GRIK4: variants seen among roughly 807,000 people sequenced by gnomAD.
The protein encoded by GRIK4 is glutamate ionotropic receptor kainate type subunit 4, also known as glutamate receptor ionotropic, kainate 4.
GRIK4 carries 40 observed loss-of-function variants against 104.9 expected under a neutral mutation model. The observed-to-expected ratio is 0.38, with a 90% CI of 0.30 to 0.50. The LOEUF is 0.50. Among genes scored for constraint, GRIK4 ranks in the 20% least tolerant of loss-of-function variants. GRIK4 has a pLI of 0.93. For synonymous variants in GRIK4, 485 were observed against 524.9 expected, an observed-to-expected ratio of 0.92 and a Z score of 1.04; for missense variants, 1,047 against 1,308.1, an observed-to-expected ratio of 0.80 and a Z score of 3.08.
intron 1 of GRIK4, among the ~76,000 whole-genome samples, chr11:120,543,579 GAA>G (rs1421595373): frequency 6.6e-6 from 1 of 151,956 alleles, no homozygotes; most frequent in African/African-American, 2.4e-5. Flanking sequence ...CATCTCAAAA[GAA>G]AAGAGAATGT....
chr11:120,560,694 C>T (rs1477804885), intron 1 of GRIK4, among the ~76,000 whole-genome samples: 1 of 152,172 alleles, frequency 6.6e-6, no homozygotes, highest in Non-Finnish European at 1.5e-5. Context: ...TCAGTTTCCT[C>T]ATCTATAAAA....
chr11:120,790,497 G>A lies in GRIK4; in HGVS notation c.83-12196G>A, dbSNP rs191644394. Among the ~76,000 whole-genome samples, 8 of 152,226 alleles carry A rather than the reference G, an allele frequency of 5.3e-5. No homozygotes were observed. The East Asian group carries it at 1.5e-3, about 29-fold the overall frequency. On this transcript the variant is annotated intron_variant, in intron 3 of 20. Coordinates refer to ENST00000527524, the MANE Select transcript of GRIK4 (RefSeq NM_014619.5). ...TGGGTTTTAAAAAACAGCTGAGTAC[G>A]TTCCAGGAAGAGACCACCTGAACAA... is the stretch of plus-strand genomic sequence containing the variant.
At chr11:120,959,971 T>C (rs1219677337) in intron 16 of GRIK4, among the ~76,000 whole-genome samples, 2 of 152,120 alleles carry the variant, frequency 1.3e-5, no homozygotes, top group African/African-American at 2.4e-5. Flanking sequence ...CTAGGTTGCA[T>C]TGAGCCCTGA....
intron 4 of GRIK4, among the ~76,000 whole-genome samples, chr11:120,810,005 C>T (rs1348770842): frequency 6.6e-6 from 1 of 152,182 alleles, no homozygotes; most frequent in Non-Finnish European, 1.5e-5. Context: ...TTCAAGTCTG[C>T]AGTGAGCTAT....
At chr11:120,574,624 G>T (rs1948453919) in intron 1 of GRIK4, among the ~76,000 whole-genome samples, 1 of 152,162 alleles carries the variant, frequency 6.6e-6, no homozygotes, top group Non-Finnish European at 1.5e-5. Flanking sequence ...ATCTGTAAGG[G>T]CAGGGGCTAC....
chr11:120,827,710 T>C (rs913221158), intron 6 of GRIK4, among the ~76,000 whole-genome samples: 11 of 152,336 alleles, frequency 7.2e-5, no homozygotes, highest in African/African-American at 2.6e-4. Context: ...TTAAAAAGTA[T>C]CCTCTTCTGA....
intron 9 of GRIK4, among the ~76,000 whole-genome samples, chr11:120,863,511 G>A (rs962790210): frequency 1.3e-5 from 2 of 152,222 alleles, no homozygotes; most frequent in African/African-American, 2.4e-5. Context: ...CATGACTGTA[G>A]TTACTAGGTA....
At chr11:120,527,167 C>T (rs1012560773) in intron 1 of GRIK4, among the ~76,000 whole-genome samples, 4 of 152,218 alleles carry the variant, frequency 2.6e-5, no homozygotes, top group African/African-American at 7.2e-5. Context: ...TTGCCCTGAT[C>T]CCGCCTCGGC....
intron 8 of GRIK4, among the ~76,000 whole-genome samples, chr11:120,841,883 T>A (rs1284663727): frequency 6.6e-6 from 1 of 152,230 alleles, no homozygotes; most frequent in Non-Finnish European, 1.5e-5. Context: ...CAAGACCACG[T>A]GACTGAAGTT....
At chr11:120,543,124 G>C (rs1489530736) in intron 1 of GRIK4, among the ~76,000 whole-genome samples, 1 of 152,218 alleles carries the variant, frequency 6.6e-6, no homozygotes, top group Non-Finnish European at 1.5e-5. Flanking sequence ...ACAGTATGGG[G>C]TGGGAGGAGG....
At chr11:120,679,741 C>T (rs971492378) in intron 3 of GRIK4, among the ~76,000 whole-genome samples, 4 of 152,208 alleles carry the variant, frequency 2.6e-5, no homozygotes, top group Middle Eastern at 3.2e-3. Context: ...CTCATGCCTC[C>T]CATCCTCACT....
At chr11:120,756,159 G>C (rs1204159189) in intron 3 of GRIK4, among the ~76,000 whole-genome samples, 1 of 152,158 alleles carries the variant, frequency 6.6e-6, no homozygotes, top group African/African-American at 2.4e-5. Flanking sequence ...TGGCATTGCT[G>C]TTGCAACGTT....
At chr11:120,543,607 T>A (rs1415177588) in intron 1 of GRIK4, among the ~76,000 whole-genome samples, 1 of 152,020 alleles carries the variant, frequency 6.6e-6, no homozygotes, top group Non-Finnish European at 1.5e-5. Context: ...CCTCAAAAAA[T>A]TAAAAATAGA....
chr11:120,678,045 C>T (rs1020409251), intron 3 of GRIK4, among the ~76,000 whole-genome samples: 22 of 152,226 alleles, frequency 1.4e-4, no homozygotes, highest in African/African-American at 5.1e-4. Flanking sequence ...CTGGCGCCAA[C>T]CCCATGCTCT....
chr11:120,875,102 G>A, intron 10 of GRIK4, 37 bp from the exon 11 acceptor site: 6 of 1,303,286 alleles, frequency 4.6e-6, no homozygotes, highest in Non-Finnish European at 5.6e-6. Flanking sequence ...GTAACCTGGG[G>A]CCTGTTTGGT....
intron 6 of GRIK4, among the ~76,000 whole-genome samples, chr11:120,829,912 G>A (rs1426413882): frequency 6.6e-6 from 1 of 152,228 alleles, no homozygotes; most frequent in Admixed American, 6.5e-5. Context: ...CACAGATGGC[G>A]GCAGCAGAGA....
At chr11:120,762,333 GTT>G (rs1951765114) in intron 3 of GRIK4, among the ~76,000 whole-genome samples, 2 of 152,224 alleles carry the variant, frequency 1.3e-5, no homozygotes, top group African/African-American at 4.8e-5. Context: ...AGCTTAAGGA[GTT>G]TTTGGACTCA....
intron 8 of GRIK4, among the ~76,000 whole-genome samples, chr11:120,856,294 A>G (rs1437670769): frequency 5.3e-5 from 8 of 152,180 alleles, no homozygotes; most frequent in Non-Finnish European, 1.0e-4. Flanking sequence ...AATACATGCT[A>G]CTGTTTCCTG....
At chr11:120,983,957 G>A (rs948292381) in intron 20 of GRIK4, among the ~76,000 whole-genome samples, 1 of 152,182 alleles carries the variant, frequency 6.6e-6, no homozygotes, top group Admixed American at 6.5e-5. Flanking sequence ...AGCACAGAGA[G>A]GTTAAGTGAC....
Sources: gnomAD v4.1 joint callset for allele counts (sites outside exome capture counted in the v4.1 genomes callset) on GRCh38, gnomAD v4.1.1 for gene constraint, MANE v1.5 for transcripts, NCBI Gene and HGNC (gene_info 2026-07-23, HGNC 2026-07-21) for gene names.